The following PAM variants were observed in gnomAD, a reference collection of about 807,000 sequenced individuals.
The protein encoded by PAM is peptidyl-glycine alpha-amidating monooxygenase.
A neutral mutation model predicts 122.1 loss-of-function variants in PAM; 72 were observed. The ratio of observed to expected loss-of-function variants is 0.59; its 90% CI spans 0.49 to 0.72. The LOEUF is 0.72. Ranked by LOEUF, PAM falls within the 30% of genes least tolerant of loss-of-function variation. PAM has a pLI of 0.00. For synonymous variants in PAM, 389 were observed against 404.4 expected (o/e 0.96, Z 0.46); for missense variants, 1,106 against 1,183.7 (o/e 0.93, Z 0.96).
At chr5:103,024,892 C>T (rs1262444774) in intron 23 of PAM, among the ~76,000 whole-genome samples, 2 of 152,008 alleles carry the variant, frequency 1.3e-5, no homozygotes, top group Non-Finnish European at 2.9e-5. Flanking sequence ...AGCTAAAGAG[C>T]ATATTAAAAG....
At chr5:102,920,860 T>C (rs897222005) in intron 5 of PAM, among the ~76,000 whole-genome samples, 1 of 151,960 alleles carries the variant, frequency 6.6e-6, no homozygotes, top group African/African-American at 2.4e-5. Flanking sequence ...CTGAGTAACC[T>C]TGGATTTTAA....
chr5:102,902,833 A>G (rs1444852689), intron 4 of PAM, among the ~76,000 whole-genome samples: 1 of 151,502 alleles, frequency 6.6e-6, no homozygotes, highest in African/African-American at 2.4e-5. Context: ...TAAATATGGT[A>G]GTCATGTGTT....
At chr5:102,932,652 AAT>A (rs537715722) in intron 7 of PAM, among the ~76,000 whole-genome samples, 1 of 148,854 alleles carries the variant, frequency 6.7e-6, no homozygotes, top group Non-Finnish European at 1.5e-5. Flanking sequence ...TAAATAAATA[AAT>A]ATATATATAT....
chr5:102,930,333 C>T (rs1164522996), intron 7 of PAM, among the ~76,000 whole-genome samples: 1 of 151,896 alleles, frequency 6.6e-6, no homozygotes, highest in Admixed American at 6.6e-5. Flanking sequence ...GAGACAGGAG[C>T]GTACAAGTAT....
intron 14 of PAM, among the ~76,000 whole-genome samples, chr5:102,962,991 T>C (rs1023160857): frequency 1.3e-5 from 2 of 151,798 alleles, no homozygotes; most frequent in Non-Finnish European, 3.0e-5. Flanking sequence ...ATGCTGTAAC[T>C]AAAGGTATTT....
chr5:102,949,805 A>G (rs1360667711), intron 10 of PAM, 97 bp from the exon 11 acceptor site: 2 of 738,058 alleles, frequency 2.7e-6, no homozygotes, highest in East Asian at 2.7e-5. Flanking sequence ...AGCTCTGAAA[A>G]TACTCAGATT....
chr5:102,777,536 A>G (rs1419626991), intron 1 of PAM, among the ~76,000 whole-genome samples: 4 of 151,888 alleles, frequency 2.6e-5, no homozygotes, highest in East Asian at 3.9e-4. Context: ...GAGTTTCTGG[A>G]AAAAAAAGAC....
In PAM at chr5:102,844,766, C is replaced by T. The variant is rs147144785; in HGVS notation, c.-373-21057C>T. On this transcript the variant is annotated intron_variant, in intron 1 of 25. Transcript: ENST00000438793. ...AAAACTCAACAGTGTGGTTAAGTAACTTGTCCAGGGTTCCACAGCTTATGA... is the reference window on the plus strand; with the variant it reads ...AAAACTCAACAGTGTGGTTAAGTAATTTGTCCAGGGTTCCACAGCTTATGA... 2.0e-3 allele frequency among the ~76,000 whole-genome samples: 309 copies of T among 152,268 alleles called. 1 individual carries two copies. The highest frequency in any genetic ancestry group is 7.1e-3 in the African/African-American group (293 of 41,540).
Position 102,867,409 on chromosome 5 carries a change from T to C in PAM, c.210+16T>C. On this transcript the variant is annotated intron_variant, in intron 3 of 25. Coordinates refer to ENST00000438793, the MANE Select transcript of PAM (RefSeq NM_001177306.2). Reference sequence around the variant, plus strand: ...ACCTAAACAGGTGAGAGGAATTTTGTCTTTCATTATTCACTTGTTCTGGAT... The same window carrying C: ...ACCTAAACAGGTGAGAGGAATTTTGCCTTTCATTATTCACTTGTTCTGGAT... 6.3e-7 allele frequency: 1 copy of C among 1,594,414 alleles called. No individual in the cohort carries two copies. The highest frequency in any genetic ancestry group is 1.7e-4 in the Middle Eastern group (1 of 6,010).
intron 1 of PAM, among the ~76,000 whole-genome samples, chr5:102,757,136 G>A (rs1750643529): frequency 6.6e-6 from 1 of 152,094 alleles, no homozygotes; most frequent in Admixed American, 6.5e-5. Context: ...TACCAGCCTG[G>A]CCGACATGGT....
At chr5:102,922,632 G>C (rs1747835321) in intron 5 of PAM, among the ~76,000 whole-genome samples, 1 of 152,170 alleles carries the variant, frequency 6.6e-6, no homozygotes, top group South Asian at 2.1e-4. Flanking sequence ...AGTTTTCTCT[G>C]TTATATTTCA....
chr5:102,979,880 G>T (rs547855443), intron 15 of PAM, among the ~76,000 whole-genome samples: 7 of 151,892 alleles, frequency 4.6e-5, no homozygotes, highest in South Asian at 4.1e-4. Context: ...TATAATAAAT[G>T]TAAGGACGTA....
intron 5 of PAM, among the ~76,000 whole-genome samples, chr5:102,915,563 G>A (rs1802859360): frequency 6.6e-6 from 1 of 152,090 alleles, no homozygotes; most frequent in Non-Finnish European, 1.5e-5. Flanking sequence ...GGGATTAAAA[G>A]ATTATTCTGT....
intron 7 of PAM, among the ~76,000 whole-genome samples, chr5:102,929,166 C>G (rs76873476): frequency 0.015 from 2,328 of 152,136 alleles, 62 homozygotes; most frequent in African/African-American, 0.054. Flanking sequence ...ATTTTGTTAA[C>G]TCCTTCAATA....
intron 16 of PAM, among the ~76,000 whole-genome samples, chr5:102,992,620 TGTCCTTCATTAAAA>T (rs1275092547): frequency 6.6e-6 from 1 of 152,164 alleles, no homozygotes; most frequent in East Asian, 1.9e-4. Context: ...GGGTTTTTTT[TGTCCTTCATTAAAA>T]ATCCAAGGAT....
At chr5:102,940,778 G>C (rs1754936394) in intron 7 of PAM, among the ~76,000 whole-genome samples, 1 of 151,870 alleles carries the variant, frequency 6.6e-6, no homozygotes, top group Non-Finnish European at 1.5e-5. Flanking sequence ...TAAATATAAA[G>C]GTTTAAAACT....
At chr5:102,980,292 TA>T (rs1769315180) in intron 15 of PAM, among the ~76,000 whole-genome samples, 1 of 152,204 alleles carries the variant, frequency 6.6e-6, no homozygotes, top group Non-Finnish European at 1.5e-5. Flanking sequence ...AATCATTTCT[TA>T]AATAATAACC....
intron 14 of PAM, among the ~76,000 whole-genome samples, chr5:102,969,892 C>A (rs1765297108): frequency 6.6e-6 from 1 of 152,002 alleles, no homozygotes; most frequent in Admixed American, 6.6e-5. Context: ...AGGCTTTAGC[C>A]AGGGGAAAAA....
intron 23 of PAM, among the ~76,000 whole-genome samples, chr5:103,021,252 A>G (rs758200488): frequency 3.2e-4 from 48 of 152,190 alleles, no homozygotes; most frequent in Non-Finnish European, 1.3e-4. Flanking sequence ...CTTAACCACT[A>G]TTGCTATACT....
Sources: gnomAD v4.1 joint callset for allele counts (sites outside exome capture counted in the v4.1 genomes callset) on GRCh38, gnomAD v4.1.1 for gene constraint, MANE v1.5 for transcripts, NCBI Gene and HGNC (gene_info 2026-07-23, HGNC 2026-07-21) for gene names.